The following TENM1 variants were observed in gnomAD, a reference collection of about 807,000 sequenced individuals.
TENM1 encodes the protein teneurin transmembrane protein 1.
TENM1 carries 35 observed loss-of-function variants against 174.8 expected under a neutral mutation model. The ratio of observed to expected loss-of-function variants is 0.20; its 90% CI spans 0.15 to 0.27. The LOEUF (loss-of-function observed/expected upper bound fraction) is 0.27. TENM1 is among the 10% of genes least tolerant of loss of function. The pLI, the probability that TENM1 is intolerant of heterozygous loss-of-function variation, is 1.00. For missense variants in TENM1, 1,633 were observed against 2,130.1 expected (o/e 0.77, Z 4.59); for synonymous variants, 781 against 798.7 (o/e 0.98, Z 0.37).
At chrX:124,481,704 T>TATATAC in intron 22 of TENM1, 28 bp downstream of exon 25, 1 of 369,472 alleles carries the variant, frequency 2.7e-6, no homozygotes, top group Admixed American at 5.0e-5. Flanking sequence ...GGTATATATA[T>TATATAC]ATATATATTT....
intron 31 of TENM1, 83 bp from the exon 35 acceptor site, chrX:124,381,377 G>C: frequency 1.1e-6 from 1 of 942,167 alleles, no homozygotes; most frequent in Non-Finnish European, 1.4e-6. Flanking sequence ...GGACAGGCTT[G>C]CAAGTTTGCT....
intron 18 of TENM1, among the ~76,000 whole-genome samples, chrX:124,517,989 T>C (rs1305790495): frequency 1.8e-5 from 2 of 110,550 alleles, no homozygotes; most frequent in African/African-American, 3.3e-5. Context: ...AGGAATGAGA[T>C]GTCGCACTTG....
At chrX:125,083,732 T>G in the TENM1 span, among the ~76,000 whole-genome samples, 1 of 111,339 alleles carries the variant, frequency 9.0e-6, no homozygotes. Flanking sequence ...TTGAAATTGT[T>G]AACATGAATA....
chrX:124,645,534 T>G (rs1252898498), intron 9 of TENM1, among the ~76,000 whole-genome samples, 197 bp from the exon 13 acceptor site: 1 of 112,027 alleles, frequency 8.9e-6, no homozygotes, highest in Non-Finnish European at 1.9e-5. Flanking sequence ...ATTAAAAATA[T>G]CCTGAGTGGA....
chrX:124,469,377 T>C (rs746176418), intron 22 of TENM1, among the ~76,000 whole-genome samples: 65 of 112,034 alleles, frequency 5.8e-4, no homozygotes, highest in Non-Finnish European at 1.1e-3. Context: ...TCATCCTCTA[T>C]AAACCCATAA....
chrX:125,186,031 C>CT, the TENM1 span, among the ~76,000 whole-genome samples: 3 of 108,407 alleles, frequency 2.8e-5, no homozygotes, highest in East Asian at 2.9e-4. Flanking sequence ...ATTCAATTTC[C>CT]TTTTTTTTTC....
chrX:125,199,712 T>C, the TENM1 span, among the ~76,000 whole-genome samples: 1 of 111,880 alleles, frequency 8.9e-6, no homozygotes, highest in African/African-American at 3.2e-5. Flanking sequence ...ATAGACTTCA[T>C]TTATTAGACT....
At chrX:125,163,523 G>A in the TENM1 span, among the ~76,000 whole-genome samples, 1 of 110,867 alleles carries the variant, frequency 9.0e-6, no homozygotes, top group African/African-American at 3.3e-5. Context: ...ATTCAGATCC[G>A]AGAAAATAAA....
At chrX:124,732,518 C>T (rs34969356) in intron 4 of TENM1, among the ~76,000 whole-genome samples, 15,834 of 111,030 alleles carry the variant, frequency 0.14, 1,439 homozygotes, top group African/African-American at 0.33. Flanking sequence ...TCCCCGTAGC[C>T]TCAGTTGACT....
At chrX:125,117,010 CAAAA>C in the TENM1 span, among the ~76,000 whole-genome samples, 9 of 47,294 alleles carry the variant, frequency 1.9e-4, no homozygotes, top group African/African-American at 2.6e-4. Flanking sequence ...GACTCTGTCT[CAAAA>C]AAAAAAAAAA....
chrX:124,915,512 G>C (rs972478912), intron 1 of TENM1, among the ~76,000 whole-genome samples: 1 of 112,491 alleles, frequency 8.9e-6, no homozygotes, highest in Non-Finnish European at 1.9e-5. Flanking sequence ...GTGACAGAGT[G>C]AGACTTTGTC....
chrX:124,830,404 G>C (rs1004996491), intron 3 of TENM1, among the ~76,000 whole-genome samples: 3 of 112,004 alleles, frequency 2.7e-5, no homozygotes, highest in Non-Finnish European at 5.6e-5. Flanking sequence ...AGTGAGAACT[G>C]AGAAGCAGTA....
intron 1 of TENM1, among the ~76,000 whole-genome samples, chrX:124,900,662 T>C (rs2057644613): frequency 8.9e-6 from 1 of 111,861 alleles, no homozygotes; most frequent in Non-Finnish European, 1.9e-5. Context: ...CTTTTCTCTC[T>C]AGTGGAATAA....
the TENM1 span, among the ~76,000 whole-genome samples, chrX:125,169,162 T>A: frequency 9.0e-6 from 1 of 111,360 alleles, no homozygotes; most frequent in East Asian, 2.8e-4. Flanking sequence ...TTATGATCAC[T>A]AGATATTATA....
At chrX:124,632,940 C>G (rs1004106613) in intron 11 of TENM1, among the ~76,000 whole-genome samples, 8 of 111,714 alleles carry the variant, frequency 7.2e-5, no homozygotes, top group Admixed American at 1.9e-4. Flanking sequence ...TTCAACCTCT[C>G]TCAGCCATCT....
At chrX:124,841,484 AGTACCAATCAT>A (rs2056499240) in intron 3 of TENM1, among the ~76,000 whole-genome samples, 2 of 111,314 alleles carry the variant, frequency 1.8e-5, no homozygotes, top group Admixed American at 1.9e-4. Context: ...GGCGCAGAGG[AGTACCAATCAT>A]GCACAATTGC....
rs201411258 is a variant in TENM1 at position 124,688,245 on chromosome X, T to TTTCCC, written c.1016-16415_1016-16411dup. Reference sequence around the variant, plus strand: ...TCTTCTCTTTTCTCCCTTCCCTTCCTTTCCCTTCCTTTCCCTTCCCTTTTT... The same window carrying TTTCCC: ...TCTTCTCTTTTCTCCCTTCCCTTCCTTTCCCTTCCCTTCCTTTCCCTTCCCTTTTT... On this transcript the variant is annotated intron_variant, in intron 5 of 31. Coordinates refer to ENST00000422452, the Ensembl canonical transcript of TENM1. Among the ~76,000 whole-genome samples the TTTCCC allele has an allele frequency of 7.7e-3, 827 of 106,767 alleles. 10 individuals carry two copies. The highest frequency in any genetic ancestry group is 0.027 in the African/African-American group (800 of 29,274). The allele number at this position is 106,767 out of a possible 115,157, so 92.7% of individuals were successfully genotyped here. A position where few individuals can be genotyped will look rare whatever the true frequency, so the allele number is the denominator to read the frequency against.
chrX:125,078,682 A>G, the TENM1 span, among the ~76,000 whole-genome samples: 11 of 111,529 alleles, frequency 9.9e-5, no homozygotes, highest in Middle Eastern at 4.6e-3. Context: ...CATAGTGATG[A>G]TGGCAAACAA....
At chrX:124,714,797 T>A (rs2053141344) in intron 4 of TENM1, among the ~76,000 whole-genome samples, 1 of 111,807 alleles carries the variant, frequency 8.9e-6, no homozygotes, top group African/African-American at 3.2e-5. Flanking sequence ...ATAGAAAGAA[T>A]ATACTACATA....
Sources: allele counts gnomAD v4.1 joint callset (sites outside exome capture counted in the v4.1 genomes callset), GRCh38; gene constraint gnomAD v4.1.1; transcripts MANE v1.5; gene names NCBI Gene and HGNC (gene_info 2026-07-23, HGNC 2026-07-21).